The following CCDC148 variants were observed in gnomAD, a reference collection of about 807,000 sequenced individuals.
The protein encoded by CCDC148 is coiled-coil domain containing 148.
In CCDC148, 89 loss-of-function variants were observed where a neutral mutation model predicts 85.7. The ratio of observed to expected loss-of-function variants is 1.04; its 90% CI spans 0.87 to 1.24. CCDC148 has a LOEUF of 1.24. CCDC148 is among the 50% of genes most tolerant of loss of function. CCDC148 has a pLI of 0.00. For synonymous variants in CCDC148, 230 were observed against 213.9 expected (o/e 1.08, Z -0.66); for missense variants, 692 against 671.7 (o/e 1.03, Z -0.33).
At chr2:158,413,336 A>C (rs892791252) in intron 1 of CCDC148, among the ~76,000 whole-genome samples, 2 of 152,144 alleles carry the variant, frequency 1.3e-5, no homozygotes, top group Non-Finnish European at 2.9e-5. Context: ...TATAATGGTC[A>C]CTTCAGTGGG....
intron 1 of CCDC148, among the ~76,000 whole-genome samples, chr2:158,418,416 T>C (rs930273815): frequency 6.6e-6 from 1 of 152,208 alleles, no homozygotes; most frequent in Non-Finnish European, 1.5e-5. Context: ...AAATTAAATG[T>C]ATTTAAAATC....
chr2:158,219,596 C>G (rs1687065736), intron 11 of CCDC148, among the ~76,000 whole-genome samples: 1 of 152,212 alleles, frequency 6.6e-6, no homozygotes, highest in Admixed American at 6.5e-5. Context: ...ATGGCACACC[C>G]ATGGTCAGTC....
chr2:158,292,610 C>T lies in CCDC148; in HGVS notation c.1110+16823G>A, dbSNP rs889259305. Among the ~76,000 whole-genome samples the T allele has an allele frequency of 1.1e-4, 17 of 152,256 alleles. 1 individual carries two copies. Among genetic ancestry groups the T allele is most frequent in the Admixed American group, 8.5e-4 (13 of 15,288 alleles). ...AACCAATTATTCCTTCACTCACTGC[C>T]TAAAGTTTCCCTAATCAAACAATGC... On this transcript the variant is annotated intron_variant, in intron 9 of 13. Transcript: ENST00000283233.
chr2:158,375,072 C>A (rs2105283183), intron 1 of CCDC148, among the ~76,000 whole-genome samples: 1 of 152,126 alleles, frequency 6.6e-6, no homozygotes, highest in East Asian at 1.9e-4. Flanking sequence ...GGGCTGACTG[C>A]AATTCTCATT....
chr2:158,426,932 A>G (rs1687105875), intron 1 of CCDC148, among the ~76,000 whole-genome samples: 1 of 152,180 alleles, frequency 6.6e-6, no homozygotes. Context: ...ACTAGAAGGC[A>G]GTTCATTTTG....
At chr2:158,264,718 G>C (rs565241715) in intron 9 of CCDC148, among the ~76,000 whole-genome samples, 1 of 152,062 alleles carries the variant, frequency 6.6e-6, no homozygotes, top group South Asian at 2.1e-4. Context: ...AATTCTCTGA[G>C]TACTCACAAG....
At chr2:158,222,746 G>A (rs1687255235) in intron 10 of CCDC148, among the ~76,000 whole-genome samples, 1 of 152,042 alleles carries the variant, frequency 6.6e-6, no homozygotes, top group African/African-American at 2.4e-5. Flanking sequence ...AACACCACAT[G>A]GATATATCAC....
At chr2:158,176,072 G>C (rs149494325) in intron 13 of CCDC148, among the ~76,000 whole-genome samples, 1 of 151,942 alleles carries the variant, frequency 6.6e-6, no homozygotes, top group Non-Finnish European at 1.5e-5. Flanking sequence ...CATTAGCTCT[G>C]ATGTATTATC....
intron 13 of CCDC148, among the ~76,000 whole-genome samples, chr2:158,174,929 A>G (rs538529827): frequency 2.6e-5 from 4 of 152,200 alleles, no homozygotes; most frequent in Non-Finnish European, 4.4e-5. Context: ...TATAATTTAA[A>G]GCTTCAAAGT....
intron 9 of CCDC148, among the ~76,000 whole-genome samples, chr2:158,281,097 A>C (rs1690268096): frequency 1.3e-5 from 2 of 152,194 alleles, no homozygotes; most frequent in African/African-American, 4.8e-5. Context: ...AAGACACAAC[A>C]TACCAGAATC....
chr2:158,326,310 T>C (rs918741754), intron 7 of CCDC148, among the ~76,000 whole-genome samples: 4 of 152,158 alleles, frequency 2.6e-5, no homozygotes, highest in African/African-American at 9.6e-5. Flanking sequence ...CCTAAACATC[T>C]ACTTAAAATT....
intron 1 of CCDC148, among the ~76,000 whole-genome samples, chr2:158,438,735 G>T (rs1290061667): frequency 6.6e-6 from 1 of 152,040 alleles, no homozygotes; most frequent in Non-Finnish European, 1.5e-5. Flanking sequence ...ATCTGACGAA[G>T]GGCTAATATC....
At chr2:158,379,956 A>C (rs1479859292) in intron 1 of CCDC148, among the ~76,000 whole-genome samples, 1 of 152,056 alleles carries the variant, frequency 6.6e-6, no homozygotes, top group Non-Finnish European at 1.5e-5. Context: ...CCTGTACCAA[A>C]ATTCTCTTTG....
intron 1 of CCDC148, among the ~76,000 whole-genome samples, chr2:158,368,034 C>T (rs936161211): frequency 6.6e-6 from 1 of 152,086 alleles, no homozygotes; most frequent in African/African-American, 2.4e-5. Context: ...CAGTTTCAAA[C>T]TCTCACATTA....
intron 9 of CCDC148, among the ~76,000 whole-genome samples, chr2:158,299,414 T>C (rs1384122987): frequency 6.6e-6 from 1 of 152,216 alleles, no homozygotes; most frequent in Admixed American, 6.5e-5. Flanking sequence ...TGCCCCCAAA[T>C]TGTATTTGCC....
chr2:158,196,686 C>G (rs1366483321), intron 11 of CCDC148, among the ~76,000 whole-genome samples: 1 of 152,168 alleles, frequency 6.6e-6, no homozygotes, highest in African/African-American at 2.4e-5. Context: ...CACACTGGCC[C>G]TCCTTTTTAA....
At chr2:158,176,483 A>G (rs757293700) in intron 13 of CCDC148, 38 bp downstream of exon 13, 3 of 1,601,566 alleles carry the variant, frequency 1.9e-6, no homozygotes, top group East Asian at 4.5e-5. Context: ...TACCATCATC[A>G]TGGCTTTTTC....
Position 158,387,300 on chromosome 2 carries a change from A to ATATCTG in CCDC148, c.26-28731_26-28730insCAGATA, listed in dbSNP as rs1489787893. Among the ~76,000 whole-genome samples, 511 of 151,666 alleles carry ATATCTG rather than the reference A, an allele frequency of 3.4e-3. 4 individuals are homozygous for ATATCTG. The highest frequency in any genetic ancestry group is 0.012 in the African/African-American group (489 of 41,400). ...CACATTTATATCATTATCTATATCT[A>ATATCTG]TATCTATATCTATATCTATGAATAT... On this transcript the variant is annotated intron_variant, in intron 1 of 13. Coordinates refer to ENST00000283233, the MANE Select transcript of CCDC148 (RefSeq NM_138803.4).
At chr2:158,303,470 T>C (rs1217554870) in intron 9 of CCDC148, among the ~76,000 whole-genome samples, 1 of 152,154 alleles carries the variant, frequency 6.6e-6, no homozygotes, top group Non-Finnish European at 1.5e-5. Flanking sequence ...AGGGATAAAT[T>C]GCCAAGTTTC....
Sources: allele counts gnomAD v4.1 joint callset (sites outside exome capture counted in the v4.1 genomes callset), GRCh38; gene constraint gnomAD v4.1.1; transcripts MANE v1.5; gene names NCBI Gene and HGNC (gene_info 2026-07-23, HGNC 2026-07-21).